ZNF195: variants seen among roughly 807,000 people sequenced by gnomAD.
The protein encoded by ZNF195 is zinc finger protein 195, also known as hypoxia-regulated factor-1.
In ZNF195, 11 loss-of-function variants were observed where a neutral mutation model predicts 19.5. The ratio of observed to expected loss-of-function variants is 0.57; its 90% CI spans 0.36 to 0.94. The LOEUF (loss-of-function observed/expected upper bound fraction) is 0.94, where lower values mean the gene tolerates loss of function less well. ZNF195 is among the 40% of genes least tolerant of loss of function. The pLI is 0.01. For missense variants in ZNF195, 582 were observed against 709.0 expected, an observed-to-expected ratio of 0.82 and a Z score of 2.03; for synonymous variants, 214 against 248.1, an observed-to-expected ratio of 0.86 and a Z score of 1.29.
intron 1 of ZNF195, among the ~76,000 whole-genome samples, chr11:3,375,160 GAGA>G (rs1246218621): frequency 6.6e-6 from 1 of 152,216 alleles, no homozygotes; most frequent in Non-Finnish European, 1.5e-5. Flanking sequence ...ATGAGACTCA[GAGA>G]AGGAGAGTCT....
At chr11:3,365,667 C>G (rs1251251304) in intron 3 of ZNF195, among the ~76,000 whole-genome samples, 1 of 152,120 alleles carries the variant, frequency 6.6e-6, no homozygotes, top group Non-Finnish European at 1.5e-5. Flanking sequence ...AGTCAAAATT[C>G]TTTAAAAAGA....
rs894767126 is a variant in ZNF195, at chr11:3,358,989, T to C, written c.*129A>G. 13 of 1,202,772 alleles carry C rather than the reference T, an allele frequency of 1.1e-5. No individual in the cohort carries two copies. Among genetic ancestry groups the C allele is most frequent in the Non-Finnish European group, 1.4e-5 (13 of 923,900 alleles). The allele number at this position is 1,202,772 out of a possible 1,614,324, so 74.5% of individuals were successfully genotyped here. On this transcript the variant is annotated 3_prime_UTR_variant, in exon 6 of 6. Transcript: ENST00000399602. ...TACTCTTGTGTGCTCTGGAGACTTA[T>C]ATTTCATGAAAGGTCTTTCAATAGT...
intron 3 of ZNF195, chr11:3,369,399 A>C (rs1849068772): frequency 2.5e-6 from 1 of 399,816 alleles, no homozygotes; most frequent in African/African-American, 2.1e-5. Flanking sequence ...TAATAACTGA[A>C]GGGAATAAAA....
intron 1 of ZNF195, chr11:3,377,969 T>C: frequency 2.1e-6 from 2 of 967,630 alleles, no homozygotes; most frequent in Non-Finnish European, 2.5e-6. Flanking sequence ...GATTCTCTGC[T>C]TTCCTGTCAC....
intron 1 of ZNF195, among the ~76,000 whole-genome samples, chr11:3,373,085 A>C (rs2133727263): frequency 6.6e-6 from 1 of 152,380 alleles, no homozygotes; most frequent in South Asian, 2.1e-4. Context: ...TCTAAAAAGC[A>C]AGTGTCTTTT....
At chr11:3,370,887 G>A (rs565652849) in intron 3 of ZNF195, 88 bp downstream of exon 3, 42 of 1,349,320 alleles carry the variant, frequency 3.1e-5, no homozygotes, top group Non-Finnish European at 4.0e-5. Context: ...CTAGGGCAGA[G>A]CTTCTCAAAC....
rs530347484 is a variant in ZNF195 at position 3,370,474 on chromosome 11, C to T, written c.226+501G>A. 5.3e-5 allele frequency among the ~76,000 whole-genome samples: 8 copies of T among 152,338 alleles called. 1 individual carries two copies. Among genetic ancestry groups the T allele is most frequent in the African/African-American group, 1.4e-4 (6 of 41,574 alleles). ...TGTTCGGAGAAAACTGCTGAGTATACATTTCTGTAGACTCCCATTTGAAAC... is the reference window on the plus strand; with the variant it reads ...TGTTCGGAGAAAACTGCTGAGTATATATTTCTGTAGACTCCCATTTGAAAC... On this transcript the variant is annotated intron_variant, in intron 3 of 5. Transcript: ENST00000399602.
rs1443950167 is a variant in ZNF195 at position 3,371,090 on chromosome 11, T to A, written c.131-20A>T. 2 of 1,609,212 alleles carry A rather than the reference T, an allele frequency of 1.2e-6. No individual in the cohort carries two copies. The highest frequency in any genetic ancestry group is 1.7e-6 in the Non-Finnish European group (2 of 1,176,220). Reference sequence around the variant, plus strand: ...TGAGACCTGTTTTATTAGAAAAAAGTGACATTACTCTTGCTGAAATTCTCC... The same window carrying A: ...TGAGACCTGTTTTATTAGAAAAAAGAGACATTACTCTTGCTGAAATTCTCC... On this transcript the variant is annotated intron_variant, in intron 2 of 5. Transcript: ENST00000399602.
chr11:3,376,465 T>C (rs1270545338), intron 1 of ZNF195, among the ~76,000 whole-genome samples: 2 of 152,270 alleles, frequency 1.3e-5, no homozygotes, highest in Non-Finnish European at 2.9e-5. Flanking sequence ...AGCCAGGCCT[T>C]CGATTGCTTT....
chr11:3,377,656 C>G (rs1332319895), intron 1 of ZNF195: 6 of 1,248,122 alleles, frequency 4.8e-6, no homozygotes, highest in Non-Finnish European at 3.1e-6. Flanking sequence ...TTCTCTCAGC[C>G]CAGGGCATCC....
At chr11:3,373,635 A>G in intron 1 of ZNF195, 1 of 1,549,366 alleles carries the variant, frequency 6.5e-7, no homozygotes, top group Non-Finnish European at 8.7e-7. Context: ...CTCTTAGGAA[A>G]GATTCTCTGG....
intron 1 of ZNF195, among the ~76,000 whole-genome samples, chr11:3,372,721 A>G (rs536044470): frequency 2.7e-4 from 41 of 151,754 alleles, no homozygotes; most frequent in African/African-American, 9.9e-4. Context: ...AATATCTCCC[A>G]GGTTCTGTAA....
intron 1 of ZNF195, among the ~76,000 whole-genome samples, chr11:3,372,296 ATTAT>A (rs1849248305): frequency 6.6e-6 from 1 of 152,242 alleles, no homozygotes; most frequent in Non-Finnish European, 1.5e-5. Flanking sequence ...ATTAAATGTG[ATTAT>A]TTATGCACAT....
intron 3 of ZNF195, among the ~76,000 whole-genome samples, chr11:3,367,918 A>C (rs982092142): frequency 4.0e-5 from 6 of 151,898 alleles, no homozygotes; most frequent in Non-Finnish European, 7.4e-5. Flanking sequence ...CTAAAAATAC[A>C]AAAAATTAGC....
chr11:3,360,992 C>T (rs759597111), intron 4 of ZNF195, among the ~76,000 whole-genome samples: 6 of 152,148 alleles, frequency 3.9e-5, no homozygotes, highest in African/African-American at 7.2e-5. Context: ...CCCTGTGACA[C>T]GGAGTGCTGA....
chr11:3,373,744 A>G (rs545933676), intron 1 of ZNF195: 1 of 988,000 alleles, frequency 1.0e-6, no homozygotes, highest in African/African-American at 1.6e-5. Flanking sequence ...ACCAAGAAAT[A>G]CAGAAAAAGT....
intron 4 of ZNF195, among the ~76,000 whole-genome samples, chr11:3,361,048 G>A (rs886562185): frequency 3.3e-5 from 5 of 152,320 alleles, no homozygotes; most frequent in Admixed American, 6.5e-5. Context: ...TGCTGAGACC[G>A]AAAGGAAATA....
intron 2 of ZNF195, 185 bp from the exon 3 acceptor site, chr11:3,371,255 C>T (rs1406931964): frequency 2.4e-5 from 16 of 668,280 alleles, no homozygotes; most frequent in Non-Finnish European, 3.7e-5. Context: ...AGTTTCACCA[C>T]TCAGTACTGC....
intron 1 of ZNF195, chr11:3,377,600 A>G: frequency 8.6e-7 from 1 of 1,164,868 alleles, no homozygotes. Flanking sequence ...GACAATCTTA[A>G]TGTCCTAAGT....
Sources: allele counts gnomAD v4.1 joint callset (sites outside exome capture counted in the v4.1 genomes callset), GRCh38; gene constraint gnomAD v4.1.1; transcripts MANE v1.5; gene names NCBI Gene and HGNC (gene_info 2026-07-23, HGNC 2026-07-21).